Variants in NLGN1 observed in about 807,000 individuals in gnomAD.
The protein encoded by NLGN1 is neuroligin-1.
In NLGN1, 12 loss-of-function variants were observed where a neutral mutation model predicts 65.5. The ratio of observed to expected loss-of-function variants is 0.18; its 90% confidence interval spans 0.12 to 0.30. NLGN1 has a LOEUF of 0.30. NLGN1 is among the 10% of genes least tolerant of loss of function. The pLI, the probability that NLGN1 is intolerant of heterozygous loss-of-function variation, is 1.00. For synonymous variants in NLGN1, 350 were observed against 359.5 expected, an observed-to-expected ratio of 0.97 and a Z score of 0.30; for missense variants, 750 against 1,007.1, an observed-to-expected ratio of 0.74 and a Z score of 3.46.
At chr3:173,609,690 A>C (rs1036585705) in intron 3 of NLGN1, among the ~76,000 whole-genome samples, 3 of 151,956 alleles carry the variant, frequency 2.0e-5, no homozygotes, top group Non-Finnish European at 2.9e-5. Flanking sequence ...CTAGGTACAG[A>C]GTAAATAAAA....
At chr3:173,645,655 T>G (rs73880530) in intron 3 of NLGN1, among the ~76,000 whole-genome samples, 2,165 of 152,338 alleles carry the variant, frequency 0.014, 56 homozygotes, top group African/African-American at 0.047. Flanking sequence ...CTCAGTCACT[T>G]AGGCTCTAAC....
At chr3:173,920,198 T>C (rs954837356) in intron 4 of NLGN1, among the ~76,000 whole-genome samples, 1 of 151,954 alleles carries the variant, frequency 6.6e-6, no homozygotes, top group East Asian at 1.9e-4. Flanking sequence ...TCTCTTATGG[T>C]TATCAAGTGT....
intron 3 of NLGN1, among the ~76,000 whole-genome samples, chr3:173,797,451 C>G (rs1483081655): frequency 6.6e-6 from 1 of 152,126 alleles, no homozygotes; most frequent in South Asian, 2.1e-4. Context: ...TATTTAGTAT[C>G]AATAAATGAA....
At chr3:173,647,915 T>C (rs973091029) in intron 3 of NLGN1, among the ~76,000 whole-genome samples, 3 of 152,144 alleles carry the variant, frequency 2.0e-5, no homozygotes, top group Non-Finnish European at 4.4e-5. Context: ...TAAATGGAGA[T>C]AGACCTTGGT....
At chr3:173,509,825 A>T (rs935627846) in intron 2 of NLGN1, among the ~76,000 whole-genome samples, 3 of 152,210 alleles carry the variant, frequency 2.0e-5, no homozygotes, top group African/African-American at 4.8e-5. Flanking sequence ...TTTGAATTTT[A>T]AAAGTATTAT....
intron 4 of NLGN1, among the ~76,000 whole-genome samples, chr3:174,066,522 C>CTCTCTA (rs1335123275): frequency 1.8e-4 from 14 of 79,030 alleles, no homozygotes; most frequent in Non-Finnish European, 3.4e-4. Flanking sequence ...ACAAGTCTCT[C>CTCTCTA]TCTCTCTCTC....
At chr3:173,632,849 G>GTTTTGTTTT (rs1755929544) in intron 3 of NLGN1, among the ~76,000 whole-genome samples, 1 of 116,402 alleles carries the variant, frequency 8.6e-6, no homozygotes, top group Non-Finnish European at 1.8e-5. Context: ...TTTTTTTTTT[G>GTTTTGTTTT]TTTTTTTTTT....
In NLGN1 at chr3:173,794,465, A is replaced by G. The variant is rs113299156; in HGVS notation, c.494-13215A>G. The stretch of plus-strand genomic sequence containing the variant: ...CCATCCCAATCCCATCTTCATTGAA[A>G]TAGCTCTAGACATCTAGTGGCACTT... On this transcript the variant is annotated intron_variant, in intron 3 of 6. Transcript: ENST00000457714. Among the ~76,000 whole-genome samples, 420 of 152,284 alleles carry G rather than the reference A, an allele frequency of 2.8e-3. 3 individuals carry two copies. The highest frequency in any genetic ancestry group is 9.5e-3 in the African/African-American group (396 of 41,560).
chr3:174,152,624 A>G (rs1287214274), intron 4 of NLGN1, among the ~76,000 whole-genome samples: 1 of 152,012 alleles, frequency 6.6e-6, no homozygotes, highest in Non-Finnish European at 1.5e-5. Flanking sequence ...GTGCACATGT[A>G]CCCTAGAACT....
At chr3:173,811,540 C>G (rs1386795023) in intron 4 of NLGN1, among the ~76,000 whole-genome samples, 1 of 142,396 alleles carries the variant, frequency 7.0e-6, no homozygotes, top group Non-Finnish European at 1.5e-5. Context: ...ACACTCTAGC[C>G]TGGGTGACAA....
At position 173,441,876 on chromosome 3, in the gene NLGN1, G is replaced by T. The variant is rs943305279; in HGVS notation, c.-321+6798G>T. Reference sequence around the variant, plus strand: ...GTAAAAAGAAGTGTGATCAAACAAGGTATGCCTGTATTTGAAGTATACATT... The same window carrying T: ...GTAAAAAGAAGTGTGATCAAACAAGTTATGCCTGTATTTGAAGTATACATT... On this transcript the variant is annotated intron_variant, in intron 2 of 6. Transcript: ENST00000457714. Among the ~76,000 whole-genome samples the T allele has an allele frequency of 7.2e-5, 11 of 152,250 alleles. No individual in the cohort carries two copies. In the East Asian group the frequency reaches 1.7e-3, roughly 24 times the overall value.
intron 4 of NLGN1, among the ~76,000 whole-genome samples, chr3:174,188,093 T>C (rs1731747558): frequency 6.6e-6 from 1 of 152,084 alleles, no homozygotes; most frequent in Non-Finnish European, 1.5e-5. Context: ...AATACCTAAA[T>C]GATGTTTATC....
chr3:173,810,090 A>G (rs1717553555), intron 4 of NLGN1, among the ~76,000 whole-genome samples: 1 of 152,218 alleles, frequency 6.6e-6, no homozygotes, highest in Non-Finnish European at 1.5e-5. Flanking sequence ...ACTTTAAGAC[A>G]TTGGTTCTCG....
chr3:173,968,556 A>G (rs1715388509), intron 4 of NLGN1, among the ~76,000 whole-genome samples: 1 of 149,566 alleles, frequency 6.7e-6, no homozygotes, highest in Non-Finnish European at 1.5e-5. Context: ...TGTTAATCAG[A>G]AAAAAAATAC....
chr3:173,893,796 G>A (rs1735814250), intron 4 of NLGN1, among the ~76,000 whole-genome samples: 1 of 151,938 alleles, frequency 6.6e-6, no homozygotes, highest in Non-Finnish European at 1.5e-5. Flanking sequence ...GTTTTCCTCT[G>A]CTTAAAATTC....
At position 174,015,828 on chromosome 3, in the gene NLGN1, A is replaced by G. The variant is rs373025902; in HGVS notation, c.646+207996A>G. Among the ~76,000 whole-genome samples the G allele has an allele frequency of 5.3e-5, 8 of 152,312 alleles. 1 individual carries two copies. The South Asian group carries it at 1.7e-3, about 32-fold the overall frequency. ...TTTTCAGCAAATAAATGGCAAATAA[A>G]GTGACACATGGGCACAAACCACGAA... On this transcript the variant is annotated intron_variant, in intron 4 of 6. Transcript: ENST00000457714.
At chr3:173,608,501 A>G (rs1473035478) in intron 3 of NLGN1, among the ~76,000 whole-genome samples, 3 of 151,836 alleles carry the variant, frequency 2.0e-5, no homozygotes, top group African/African-American at 7.2e-5. Context: ...CATCATAGCA[A>G]CATTAGGAGA....
chr3:173,839,035 G>A (rs771490707), intron 4 of NLGN1, among the ~76,000 whole-genome samples: 3 of 150,122 alleles, frequency 2.0e-5, no homozygotes, highest in Non-Finnish European at 3.0e-5. Context: ...ACCAAATTTT[G>A]CAGATAAATG....
intron 2 of NLGN1, among the ~76,000 whole-genome samples, chr3:173,459,119 C>G (rs1722960071): frequency 6.6e-6 from 1 of 152,034 alleles, no homozygotes; most frequent in Non-Finnish European, 1.5e-5. Flanking sequence ...CAGCTCATAG[C>G]CCATCTCTTC....
Sources: allele counts gnomAD v4.1 joint callset (sites outside exome capture counted in the v4.1 genomes callset), GRCh38; gene constraint gnomAD v4.1.1; transcripts MANE v1.5; gene names NCBI Gene and HGNC (gene_info 2026-07-23, HGNC 2026-07-21).